The following ESRRG variants were observed in gnomAD, a reference collection of about 807,000 sequenced individuals.
ESRRG encodes the protein estrogen related receptor gamma.
Under a neutral mutation model 44.0 loss-of-function variants are expected in ESRRG, and 13 were observed. That is an observed-to-expected ratio of 0.30 (90% confidence interval 0.19 to 0.47). ESRRG has a LOEUF of 0.47. Ranked by LOEUF, ESRRG falls within the 20% of genes least tolerant of loss-of-function variation. ESRRG has a pLI of 1.00. For missense variants in ESRRG, 395 were observed against 580.6 expected, an observed-to-expected ratio of 0.68 and a Z score of 3.29; for synonymous variants, 215 against 214.6, an observed-to-expected ratio of 1.00 and a Z score of -0.02.
chr1:216,564,574 C>T (rs1035494770), intron 4 of ESRRG, among the ~76,000 whole-genome samples, 194 bp from the exon 5 acceptor site: 1 of 151,558 alleles, frequency 6.6e-6, no homozygotes, highest in African/African-American at 2.4e-5. Context: ...CCACTGCAGT[C>T]GTGATAGAAT....
At chr1:216,820,205 C>G (rs2095256356) in intron 2 of ESRRG, among the ~76,000 whole-genome samples, 1 of 152,166 alleles carries the variant, frequency 6.6e-6, no homozygotes, top group Non-Finnish European at 1.5e-5. Context: ...ATTCAACACT[C>G]ACAATACATA....
chr1:217,025,017 T>C (rs1293368028), intron 1 of ESRRG, among the ~76,000 whole-genome samples: 1 of 152,134 alleles, frequency 6.6e-6, no homozygotes, highest in Non-Finnish European at 1.5e-5. Flanking sequence ...GCACCAGGAC[T>C]GTGGAGCCCC....
intron 1 of ESRRG, among the ~76,000 whole-genome samples, chr1:217,030,315 C>T (rs2081891933): frequency 6.6e-6 from 1 of 152,148 alleles, no homozygotes; most frequent in African/African-American, 2.4e-5. Context: ...TAAGTAGAAC[C>T]AGACACTGAG....
rs149822749 is a variant in ESRRG at position 216,544,088 on chromosome 1, A to G, written c.862+20131T>C. On this transcript the variant is annotated intron_variant, in intron 5 of 6. Coordinates refer to ENST00000408911, the MANE Select transcript of ESRRG (RefSeq NM_001438.4). Reference sequence around the variant, plus strand: ...CAGACAAAATAGGTGGATGATGACAACAATTTCACAGGGATGTTGTAGGTA... The same window carrying G: ...CAGACAAAATAGGTGGATGATGACAGCAATTTCACAGGGATGTTGTAGGTA... Among the ~76,000 whole-genome samples, 709 of 152,150 alleles carry G rather than the reference A, an allele frequency of 4.7e-3. 5 individuals carry two copies. Among genetic ancestry groups the G allele is most frequent in the African/African-American group, 0.017 (694 of 41,550 alleles).
intron 2 of ESRRG, among the ~76,000 whole-genome samples, chr1:216,676,568 C>A (rs1408597979): frequency 6.6e-6 from 1 of 152,126 alleles, no homozygotes; most frequent in Non-Finnish European, 1.5e-5. Flanking sequence ...TAAAAATATA[C>A]AATCTCAGGC....
At chr1:216,943,522 T>C (rs2818754) in intron 1 of ESRRG, among the ~76,000 whole-genome samples, 121,548 of 152,186 alleles carry the variant, frequency 0.8, 48,842 homozygotes, top group Middle Eastern at 0.88. Context: ...ACAGTGGAAC[T>C]CAACCATTCA....
chr1:216,681,083 A>G (rs2076956430), intron 1 of ESRRG, among the ~76,000 whole-genome samples: 1 of 152,184 alleles, frequency 6.6e-6, no homozygotes, highest in Admixed American at 6.5e-5. Flanking sequence ...GAATAGAAAT[A>G]ACATGTGTCG....
At position 216,503,827 on chromosome 1, in the gene ESRRG, TAAG is replaced by T. The variant is rs1331206965; in HGVS notation, c.*3109_*3111del. The T allele has an allele frequency of 6.6e-6, 1 of 152,534 alleles. No homozygotes were observed. The highest frequency in any genetic ancestry group is 1.5e-5 in the Non-Finnish European group (1 of 67,990). 9.4% of individuals were successfully genotyped at this position (152,534 alleles called of 1,614,324 possible). A position where few individuals can be genotyped will look rare whatever the true frequency, so the allele number is the denominator to read the frequency against. On this transcript the variant is annotated 3_prime_UTR_variant, in exon 7 of 7. Coordinates refer to ENST00000408911, the MANE Select transcript of ESRRG (RefSeq NM_001438.4). ...AGTCACACAATCATATTGCTTTAAA[TAAG>T]AACGAACCTAAAAGAAGCAAAATTA...
At chr1:216,756,182 A>G (rs1203983548) in intron 2 of ESRRG, among the ~76,000 whole-genome samples, 1 of 152,016 alleles carries the variant, frequency 6.6e-6, no homozygotes, top group Non-Finnish European at 1.5e-5. Context: ...ATAAAATGGA[A>G]AGCCCTGGCA....
At chr1:216,926,419 A>C (rs1170630998) in intron 2 of ESRRG, among the ~76,000 whole-genome samples, 1 of 152,134 alleles carries the variant, frequency 6.6e-6, no homozygotes, top group Non-Finnish European at 1.5e-5. Context: ...TATGAAAAAA[A>C]AAAAAAAAAA....
intron 1 of ESRRG, among the ~76,000 whole-genome samples, chr1:216,976,010 G>T (rs2072806262): frequency 1.3e-5 from 2 of 152,102 alleles, no homozygotes; most frequent in African/African-American, 4.8e-5. Context: ...ATGTCCATGA[G>T]CTTCACAATT....
chr1:216,666,285 T>C (rs1044583973), intron 2 of ESRRG, among the ~76,000 whole-genome samples: 3 of 152,236 alleles, frequency 2.0e-5, no homozygotes, highest in African/African-American at 7.2e-5. Context: ...GAGTGAACAT[T>C]CTAATATACC....
chr1:216,949,852 A>T (rs1472457075), intron 1 of ESRRG, among the ~76,000 whole-genome samples: 4 of 149,074 alleles, frequency 2.7e-5, no homozygotes, highest in African/African-American at 1.0e-4. Context: ...TTGATCTGTC[A>T]CCCAGGCTGG....
At chr1:216,737,570 C>T (rs2090112994) in intron 2 of ESRRG, among the ~76,000 whole-genome samples, 1 of 152,122 alleles carries the variant, frequency 6.6e-6, no homozygotes, top group South Asian at 2.1e-4. Context: ...CTGAGACCCA[C>T]TGCTAAATTA....
intron 1 of ESRRG, among the ~76,000 whole-genome samples, chr1:217,107,504 G>T (rs1376141667): frequency 6.6e-6 from 1 of 152,216 alleles, no homozygotes; most frequent in East Asian, 1.9e-4. Context: ...CCTGGGGTTA[G>T]TTTGTGAAGT....
intron 2 of ESRRG, among the ~76,000 whole-genome samples, chr1:216,896,855 T>C (rs777419618): frequency 6.6e-6 from 1 of 152,176 alleles, no homozygotes; most frequent in Non-Finnish European, 1.5e-5. Context: ...TTTAAAGACA[T>C]CTCTTGGGTC....
chr1:216,711,154 TC>T (rs2083508895), intron 1 of ESRRG, among the ~76,000 whole-genome samples: 1 of 152,302 alleles, frequency 6.6e-6, no homozygotes, highest in Middle Eastern at 3.4e-3. Flanking sequence ...GGAGCCAGGT[TC>T]TGCCGCAGGT....
chr1:216,680,880 C>G (rs1007154330), intron 1 of ESRRG, among the ~76,000 whole-genome samples: 5 of 152,170 alleles, frequency 3.3e-5, no homozygotes, highest in Non-Finnish European at 5.9e-5. Context: ...CTAAAATTCA[C>G]ATTAACTCTA....
intron 5 of ESRRG, among the ~76,000 whole-genome samples, chr1:216,555,057 C>T (rs1305267315): frequency 6.6e-6 from 1 of 152,176 alleles, no homozygotes; most frequent in Non-Finnish European, 1.5e-5. Context: ...CACACCAGCA[C>T]CATTGCCTTT....
Sources: gnomAD v4.1 joint callset for allele counts (sites outside exome capture counted in the v4.1 genomes callset) on GRCh38, gnomAD v4.1.1 for gene constraint, MANE v1.5 for transcripts, NCBI Gene and HGNC (gene_info 2026-07-23, HGNC 2026-07-21) for gene names.